The following CDH3 variants were observed in gnomAD, a reference collection of about 807,000 sequenced individuals.
CDH3 encodes cadherin-3.
CDH3 carries 54 observed loss-of-function variants against 82.0 expected under a neutral mutation model. The ratio of observed to expected loss-of-function variants is 0.66; its 90% CI spans 0.53 to 0.83. CDH3 has a LOEUF of 0.83. Ranked by LOEUF, CDH3 falls within the 40% of genes least tolerant of loss-of-function variation. The pLI is 0.00. For synonymous variants in CDH3, 446 were observed against 437.9 expected (o/e 1.02, Z -0.23); for missense variants, 1,054 against 1,084.6 (o/e 0.97, Z 0.40).
Position 68,672,190 on chromosome 16 carries a change from C to CAA in CDH3, c.161-4182_161-4181dup, listed in dbSNP as rs36172561. ...CCTGGGCGACAGCGAGACTCCGTCTCAAAAAAAAAAAAAATAAATAAATAA... is the reference window on the plus strand; with the variant it reads ...CCTGGGCGACAGCGAGACTCCGTCTCAAAAAAAAAAAAAAAATAAATAAATAA... On this transcript the variant is annotated intron_variant, in intron 2 of 15. Coordinates refer to ENST00000264012, the MANE Select transcript of CDH3 (RefSeq NM_001793.6). 3.7e-3 allele frequency among the ~76,000 whole-genome samples: 260 copies of CAA among 71,110 alleles called. 1 individual carries two copies. The highest frequency in any genetic ancestry group is 5.6e-3 in the Admixed American group (44 of 7,812). The allele number at this position is 71,110 out of a possible 152,430, so 46.7% of individuals were successfully genotyped here.
intron 2 of CDH3, among the ~76,000 whole-genome samples, chr16:68,668,034 A>G (rs1360074196): frequency 1.3e-5 from 2 of 152,302 alleles, no homozygotes; most frequent in East Asian, 3.9e-4. Context: ...CTCAGTGCTA[A>G]AAGCTGTCCA....
At chr16:68,709,290 G>C (rs1403785119) in intron 1 of CDH3, among the ~76,000 whole-genome samples, 1 of 151,924 alleles carries the variant, frequency 6.6e-6, no homozygotes, top group East Asian at 1.9e-4. Context: ...GCCCAGGCTG[G>C]TCTCGATCTG....
chr16:68,689,406 C>T (rs1961502112), intron 12 of CDH3, among the ~76,000 whole-genome samples: 1 of 152,078 alleles, frequency 6.6e-6, no homozygotes, highest in Non-Finnish European at 1.5e-5. Context: ...CGTGGTAGCA[C>T]ATGCCTGTAA....
At chr16:68,711,372 AAG>A (rs138935728) in intron 1 of CDH3, among the ~76,000 whole-genome samples, 36,556 of 151,888 alleles carry the variant, frequency 0.24, 4,547 homozygotes, top group Admixed American at 0.28. Flanking sequence ...AGAAGAAAGA[AAG>A]AGAAAGAGCA....
intron 1 of CDH3, among the ~76,000 whole-genome samples, chr16:68,710,537 C>G (rs902624231): frequency 7.9e-5 from 12 of 152,244 alleles, no homozygotes; most frequent in Middle Eastern, 3.4e-3. Context: ...ACATGATCCT[C>G]CCTCTGAAAA....
At chr16:68,731,020 C>CAA (rs1168041237), downstream of CDH3, among the ~76,000 whole-genome samples, 28 of 34,898 alleles carry the variant, frequency 8.0e-4, no homozygotes, top group East Asian at 3.5e-3. Context: ...AACTCCGTCT[C>CAA]AAAAAAAAAA....
chr16:68,683,150 T>C (rs1421122247), intron 9 of CDH3, among the ~76,000 whole-genome samples: 1 of 152,194 alleles, frequency 6.6e-6, no homozygotes, highest in Non-Finnish European at 1.5e-5. Context: ...TGGTTTACTA[T>C]GAAGAATGGT....
intron 2 of CDH3, among the ~76,000 whole-genome samples, chr16:68,724,410 G>T (rs889634941): frequency 6.6e-6 from 1 of 151,976 alleles, no homozygotes; most frequent in African/African-American, 2.4e-5. Flanking sequence ...CTTGAGACCA[G>T]GAGTTCAAGA....
chr16:68,645,866 G>A (rs1960043859), intron 2 of CDH3, 116 bp downstream of exon 2: 4 of 792,448 alleles, frequency 5.0e-6, no homozygotes, highest in African/African-American at 1.7e-5. Context: ...CTCAGTTCCC[G>A]GGGAGGCGCA....
At chr16:68,645,780 A>AGG in intron 2 of CDH3, 30 bp downstream of exon 2, 1 of 1,498,674 alleles carries the variant, frequency 6.7e-7, no homozygotes, top group Non-Finnish European at 9.0e-7. Flanking sequence ...ACCGCAGGGT[A>AGG]GGGGCCGCAC....
intron 2 of CDH3, among the ~76,000 whole-genome samples, chr16:68,670,173 G>A (rs1597801057): frequency 6.9e-6 from 1 of 144,362 alleles, no homozygotes; most frequent in African/African-American, 2.7e-5. Flanking sequence ...GCAGTGAGCC[G>A]AGATTGCGCC....
intron 2 of CDH3, chr16:68,722,692 C>T (rs1962177812): frequency 6.6e-6 from 1 of 152,220 alleles, no homozygotes. Context: ...CCCCCAGAGA[C>T]CCAGGATCCC....
chr16:68,689,315 C>T (rs1476162475), intron 12 of CDH3, among the ~76,000 whole-genome samples: 5 of 151,942 alleles, frequency 3.3e-5, no homozygotes, highest in African/African-American at 7.3e-5. Context: ...GGGCGGATCA[C>T]GAGGTCAAGA....
At chr16:68,686,118 C>T (rs1294040935) in intron 11 of CDH3, among the ~76,000 whole-genome samples, 1 of 152,358 alleles carries the variant, frequency 6.6e-6, no homozygotes, top group East Asian at 1.9e-4. Flanking sequence ...GAGTTCTAGA[C>T]CAGCCTGGCC....
rs1346221276 is a variant in CDH3, at chr16:68,700,017, G to T, written c.*1617G>T. ...AGGGGACTTTCTCCTTTAAAGAATG[G>T]CCACATTGTATTTGTTTTTTTAAAT... On this transcript the variant is annotated 3_prime_UTR_variant, in exon 16 of 16. Coordinates refer to ENST00000264012, the MANE Select transcript of CDH3 (RefSeq NM_001793.6). 1 of 152,062 alleles carries T rather than the reference G, an allele frequency of 6.6e-6. No homozygotes were observed. Among genetic ancestry groups the T allele is most frequent in the East Asian group, 1.9e-4 (1 of 5,192 alleles). The allele number at this position is 152,062 out of a possible 1,614,324, so 9.4% of individuals were successfully genotyped here.
rs746986109 is a variant in CDH3, at chr16:68,691,785, C to T, written c.1861C>T (p.Leu621=). The T allele has an allele frequency of 1.2e-5, 20 of 1,614,226 alleles. 1 individual carries two copies. The highest frequency in any genetic ancestry group is 3.3e-4 in the Middle Eastern group (2 of 6,062). ...KQDTYDVHLS[L]SDHGNKEQLT... Reference sequence around the variant, plus strand: ...GGATACATATGACGTGCACCTTTCTCTGTCTGACCATGGCAACAAAGAGCA... The same window carrying T: ...GGATACATATGACGTGCACCTTTCTTTGTCTGACCATGGCAACAAAGAGCA... The change falls in exon 13 of 16, where the codon CTG becomes TTG. Residue 621 remains leucine, a synonymous_variant. Coordinates refer to ENST00000264012, the MANE Select transcript of CDH3 (RefSeq NM_001793.6).
intron 3 of CDH3, among the ~76,000 whole-genome samples, chr16:68,677,637 C>G (rs904492762): frequency 6.6e-6 from 1 of 152,210 alleles, no homozygotes; most frequent in Non-Finnish European, 1.5e-5. Flanking sequence ...ACTCAGGAGG[C>G]TGAGGCAGGA....
Position 68,666,868 on chromosome 16 carries a change from G to C in CDH3, c.161-9517G>C, listed in dbSNP as rs560011638. ...TGACTGTGGCACAGCATAATTAACT[G>C]TTCTGTTGAGAGTTAGGTTGTTGAG... On this transcript the variant is annotated intron_variant, in intron 2 of 15. Transcript: ENST00000264012. 2.0e-5 allele frequency among the ~76,000 whole-genome samples: 3 copies of C among 152,174 alleles called. No homozygotes were observed. The East Asian group carries it at 5.8e-4, about 29-fold the overall frequency.
intron 10 of CDH3, 131 bp from the exon 11 acceptor site, chr16:68,685,073 CG>C: frequency 8.5e-7 from 1 of 1,175,788 alleles, no homozygotes; most frequent in Non-Finnish European, 1.2e-6. Context: ...CGTTTATGGG[CG>C]AGGTGCATTT....
Sources: allele counts gnomAD v4.1 joint callset (sites outside exome capture counted in the v4.1 genomes callset), GRCh38; gene constraint gnomAD v4.1.1; transcripts MANE v1.5; gene names NCBI Gene and HGNC (gene_info 2026-07-23, HGNC 2026-07-21).